MAN1A1: variants seen among roughly 807,000 people sequenced by gnomAD.
MAN1A1 encodes mannosidase alpha class 1A member 1, also known as mannosyl-oligosaccharide 1,2-alpha-mannosidase IA.
Under a neutral mutation model 70.8 loss-of-function variants are expected in MAN1A1, and 29 were observed. The observed-to-expected ratio is 0.41, with a 90% CI of 0.31 to 0.56. The LOEUF (loss-of-function observed/expected upper bound fraction) is 0.56. Ranked by LOEUF, MAN1A1 falls within the 20% of genes least tolerant of loss-of-function variation. The pLI is 0.29. For synonymous variants in MAN1A1, 349 were observed against 330.1 expected (o/e 1.06, Z -0.62); for missense variants, 747 against 841.3 (o/e 0.89, Z 1.39).
At chr6:119,305,912 A>G (rs1772512506) in intron 3 of MAN1A1, among the ~76,000 whole-genome samples, 1 of 152,158 alleles carries the variant, frequency 6.6e-6, no homozygotes, top group African/African-American at 2.4e-5. Context: ...TGTTAGCCAC[A>G]CCAGGGTTCA....
At chr6:119,218,892 T>C (rs1223547198) in intron 6 of MAN1A1, among the ~76,000 whole-genome samples, 3 of 152,186 alleles carry the variant, frequency 2.0e-5, no homozygotes, top group African/African-American at 7.2e-5. Flanking sequence ...TTAATTAATC[T>C]TTCTTAAATG....
intron 6 of MAN1A1, among the ~76,000 whole-genome samples, chr6:119,208,903 T>G (rs1200614367): frequency 6.6e-6 from 1 of 152,058 alleles, no homozygotes; most frequent in Non-Finnish European, 1.5e-5. Flanking sequence ...GAGACCAGCC[T>G]GGGCAACATG....
At chr6:119,210,447 A>C (rs1014426167) in intron 6 of MAN1A1, among the ~76,000 whole-genome samples, 1 of 152,172 alleles carries the variant, frequency 6.6e-6, no homozygotes, top group East Asian at 1.9e-4. Context: ...TCAGTCCTAC[A>C]TGCTGCTTTA....
At chr6:119,323,440 A>G (rs568136727) in intron 2 of MAN1A1, among the ~76,000 whole-genome samples, 26 of 152,332 alleles carry the variant, frequency 1.7e-4, no homozygotes, top group African/African-American at 6.3e-4. Context: ...ACCAATACTT[A>G]GCAATTGTAT....
chr6:119,221,538 T>C (rs1006626649), intron 6 of MAN1A1, among the ~76,000 whole-genome samples: 2 of 146,990 alleles, frequency 1.4e-5, no homozygotes, highest in African/African-American at 2.5e-5. Context: ...AGTGGCACAA[T>C]CTTGGCTCAC....
At chr6:119,186,831 TGG>T (rs2114929264) in intron 11 of MAN1A1, among the ~76,000 whole-genome samples, 1 of 152,288 alleles carries the variant, frequency 6.6e-6, no homozygotes, top group Admixed American at 6.5e-5. Flanking sequence ...CCAGTTTTTC[TGG>T]TTTAAAAAAT....
rs118009133 is a variant in MAN1A1 at position 119,317,247 on chromosome 6, C to T, written c.604-10255G>A. ...ATGGACCTACACTGACACATCATTA[C>T]CACCCAAAGTCCATGATTTACATTA... On this transcript the variant is annotated intron_variant, in intron 2 of 12. Coordinates refer to ENST00000368468, the MANE Select transcript of MAN1A1 (RefSeq NM_005907.4). Among the ~76,000 whole-genome samples the T allele has an allele frequency of 5.9e-3, 892 of 152,192 alleles. 27 individuals are homozygous for T. In the East Asian group the frequency reaches 0.09, roughly 15 times the overall value.
chr6:119,204,561 C>T (rs992899722), intron 7 of MAN1A1, among the ~76,000 whole-genome samples, 198 bp downstream of exon 7: 4 of 152,180 alleles, frequency 2.6e-5, no homozygotes, highest in South Asian at 4.1e-4. Context: ...CCCTCACATC[C>T]TGAACTAGAG....
chr6:119,210,893 TG>T (rs1334912367), intron 6 of MAN1A1: 4 of 456,246 alleles, frequency 8.8e-6, no homozygotes, highest in Admixed American at 4.7e-5. Context: ...CCACCTCATA[TG>T]GTAGCCTCCA....
chr6:119,284,520 T>C (rs908793303), intron 5 of MAN1A1, among the ~76,000 whole-genome samples: 1 of 152,244 alleles, frequency 6.6e-6, no homozygotes, highest in African/African-American at 2.4e-5. Flanking sequence ...TTCTTTCATT[T>C]TGCAATCTAT....
Position 119,338,155 on chromosome 6 carries a change from T to C in MAN1A1, c.603+10308A>G, listed in dbSNP as rs141247283. Among the ~76,000 whole-genome samples the C allele has an allele frequency of 6.2e-3, 947 of 151,840 alleles. 11 individuals are homozygous for C. The highest frequency in any genetic ancestry group is 0.021 in the African/African-American group (867 of 41,406). On this transcript the variant is annotated intron_variant, in intron 2 of 12. Coordinates refer to ENST00000368468, the MANE Select transcript of MAN1A1 (RefSeq NM_005907.4). ...CTAACCACAATTTATAAAAATAATA[T>C]AGTACATTTATGTCAATCGTTATTC...
intron 2 of MAN1A1, among the ~76,000 whole-genome samples, chr6:119,337,811 C>T (rs1773498722): frequency 6.6e-6 from 1 of 152,106 alleles, no homozygotes; most frequent in African/African-American, 2.4e-5. Flanking sequence ...TAAGTAACCA[C>T]AGGAGGATTA....
intron 6 of MAN1A1, among the ~76,000 whole-genome samples, chr6:119,243,699 A>C (rs992129662): frequency 2.0e-5 from 3 of 152,136 alleles, no homozygotes; most frequent in Admixed American, 6.6e-5. Context: ...CTGCAATTTA[A>C]TTATAATAAT....
At chr6:119,278,215 G>A (rs998655199) in intron 5 of MAN1A1, among the ~76,000 whole-genome samples, 2 of 151,972 alleles carry the variant, frequency 1.3e-5, no homozygotes, top group Admixed American at 1.3e-4. Flanking sequence ...CAATCAAACT[G>A]TCTACATTTA....
chr6:119,271,973 G>C (rs143465139), intron 5 of MAN1A1, among the ~76,000 whole-genome samples: 2 of 152,194 alleles, frequency 1.3e-5, no homozygotes, highest in East Asian at 1.9e-4. Flanking sequence ...CACAGTCTTA[G>C]GGTGACAAGG....
At chr6:119,335,783 C>T (rs2114500155) in intron 2 of MAN1A1, among the ~76,000 whole-genome samples, 1 of 152,332 alleles carries the variant, frequency 6.6e-6, no homozygotes, top group Non-Finnish European at 1.5e-5. Flanking sequence ...TCCTAAACGA[C>T]ATGTGTTCTG....
chr6:119,273,068 G>A (rs1214149581), intron 5 of MAN1A1, among the ~76,000 whole-genome samples: 1 of 152,154 alleles, frequency 6.6e-6, no homozygotes, highest in African/African-American at 2.4e-5. Context: ...GACTTTATAA[G>A]CTGAATTCTA....
intron 2 of MAN1A1, among the ~76,000 whole-genome samples, chr6:119,328,969 C>T (rs898032809): frequency 3.9e-5 from 6 of 152,062 alleles, no homozygotes; most frequent in Non-Finnish European, 8.8e-5. Flanking sequence ...CAAGTAGGCC[C>T]ACAACAGAGA....
In MAN1A1 at chr6:119,179,371, A is replaced by C. The variant is rs1276787464; in HGVS notation, c.*448T>G. ...TGGACAGACAAACCAGATTAACATG[A>C]AATTGTAAAGGAAAAAGCTTTTTTA... On this transcript the variant is annotated 3_prime_UTR_variant, in exon 13 of 13. Coordinates refer to ENST00000368468, the MANE Select transcript of MAN1A1 (RefSeq NM_005907.4). The C allele has an allele frequency of 1.3e-5, 2 of 153,368 alleles. No individual in the cohort carries two copies. The highest frequency in any genetic ancestry group is 4.1e-4 in the South Asian group (2 of 4,874). The allele number at this position is 153,368 out of a possible 1,614,324, so 9.5% of individuals were successfully genotyped here.
Sources: allele counts gnomAD v4.1 joint callset (sites outside exome capture counted in the v4.1 genomes callset), GRCh38; gene constraint gnomAD v4.1.1; transcripts MANE v1.5; gene names NCBI Gene and HGNC (gene_info 2026-07-23, HGNC 2026-07-21).